The following CEP112 variants were observed in gnomAD, a reference collection of about 807,000 sequenced individuals.
The protein encoded by CEP112 is centrosomal protein 112.
CEP112 carries 127 observed loss-of-function variants against 153.0 expected under a neutral mutation model. That is an observed-to-expected ratio of 0.83 (90% CI 0.72 to 0.96). CEP112 has a LOEUF of 0.96. Ranked by LOEUF, CEP112 falls within the 40% of genes least tolerant of loss-of-function variation. The pLI is 0.00. For synonymous variants in CEP112, 358 were observed against 374.4 expected (o/e 0.96, Z 0.51); for missense variants, 1,089 against 1,101.2 (o/e 0.99, Z 0.16).
At chr17:65,675,352 T>A (rs1447868037) in intron 24 of CEP112, among the ~76,000 whole-genome samples, 1 of 152,174 alleles carries the variant, frequency 6.6e-6, no homozygotes, top group Admixed American at 6.6e-5. Flanking sequence ...ATTACAGGTG[T>A]TCACCACCAT....
chr17:65,656,664 G>A (rs929233656), intron 24 of CEP112, among the ~76,000 whole-genome samples: 3 of 152,194 alleles, frequency 2.0e-5, no homozygotes, highest in Non-Finnish European at 4.4e-5. Context: ...ACAAAGCCCT[G>A]AAACATTTGT....
intron 8 of CEP112, among the ~76,000 whole-genome samples, chr17:66,088,623 AC>A (rs2068027646): frequency 6.6e-6 from 1 of 151,648 alleles, no homozygotes; most frequent in Non-Finnish European, 1.5e-5. Flanking sequence ...CCCAGTCAAC[AC>A]CTCTGGCCCA....
chr17:65,870,685 C>T (rs1449086735), intron 20 of CEP112, among the ~76,000 whole-genome samples: 1 of 152,170 alleles, frequency 6.6e-6, no homozygotes, highest in Non-Finnish European at 1.5e-5. Context: ...ATCCATAACT[C>T]ACTCTGGTGC....
intron 1 of CEP112, among the ~76,000 whole-genome samples, chr17:66,184,214 G>C (rs949123505): frequency 6.6e-6 from 1 of 151,996 alleles, no homozygotes; most frequent in Non-Finnish European, 1.5e-5. Flanking sequence ...GGCCATGATC[G>C]CACCACTAAA....
At chr17:66,025,458 ATAAT>A (rs1175881764) in intron 16 of CEP112, among the ~76,000 whole-genome samples, 1 of 152,040 alleles carries the variant, frequency 6.6e-6, no homozygotes, top group Non-Finnish European at 1.5e-5. Flanking sequence ...AATAATAATA[ATAAT>A]TAATAACCCC....
In CEP112 at chr17:66,130,775, C is replaced by CAAAAA. The variant is rs539232836; in HGVS notation, c.565-957_565-953dup. 8.1e-5 allele frequency among the ~76,000 whole-genome samples: 7 copies of CAAAAA among 85,970 alleles called. 1 individual carries two copies. Among genetic ancestry groups the CAAAAA allele is most frequent in the Non-Finnish European group, 1.1e-4 (5 of 46,942 alleles). 56.4% of individuals were successfully genotyped at this position (85,970 alleles called of 152,430 possible). A position where few individuals can be genotyped will look rare whatever the true frequency, so the allele number is the denominator to read the frequency against. On this transcript the variant is annotated intron_variant, in intron 5 of 26. Transcript: ENST00000535342. Reference sequence around the variant, plus strand: ...TGGGCGACAGAGCGAGACTCCGTCTCAAAAAAAAAAAAAAAAAACACACAC... The same window carrying CAAAAA: ...TGGGCGACAGAGCGAGACTCCGTCTCAAAAAAAAAAAAAAAAAAAAAAACACACAC...
At chr17:65,675,615 C>T (rs1242380189) in intron 24 of CEP112, among the ~76,000 whole-genome samples, 14 of 149,772 alleles carry the variant, frequency 9.3e-5, no homozygotes, top group Non-Finnish European at 1.8e-4. Flanking sequence ...CACCAACATC[C>T]GATGAGAATA....
chr17:65,999,197 C>CT lies in CEP112; in HGVS notation c.1736+6492dup, dbSNP rs34483996. On this transcript the variant is annotated intron_variant, in intron 17 of 26. Transcript: ENST00000535342. ...GAACTCCAATAGAAATTACTAAATT[C>CT]TTTTTTTTTTTTTTTTTGAGACGGA... Among the ~76,000 whole-genome samples the CT allele has an allele frequency of 2.3e-3, 298 of 132,014 alleles. 3 individuals are homozygous for CT. The highest frequency in any genetic ancestry group is 0.012 in the South Asian group (47 of 3,920). The allele number at this position is 132,014 out of a possible 152,430, so 86.6% of individuals were successfully genotyped here.
At chr17:65,927,447 T>C in intron 19 of CEP112, 135 bp downstream of exon 19, 1 of 551,806 alleles carries the variant, frequency 1.8e-6, no homozygotes, top group Non-Finnish European at 3.1e-6. Flanking sequence ...AAACAAACAT[T>C]ATTTTAAATA....
At chr17:66,076,514 G>C (rs1363791687) in intron 8 of CEP112, among the ~76,000 whole-genome samples, 2 of 152,074 alleles carry the variant, frequency 1.3e-5, no homozygotes, top group African/African-American at 4.8e-5. Context: ...CATTGACCTG[G>C]GAACCTCACC....
chr17:65,881,409 T>TGC (rs1230996991), intron 20 of CEP112, among the ~76,000 whole-genome samples: 2 of 151,982 alleles, frequency 1.3e-5, no homozygotes, highest in Non-Finnish European at 2.9e-5. Context: ...CAGGTGTGTG[T>TGC]GTGTGTGTGT....
At chr17:65,960,992 G>C (rs752776329) in intron 18 of CEP112, among the ~76,000 whole-genome samples, 1 of 143,448 alleles carries the variant, frequency 7.0e-6, no homozygotes, top group Non-Finnish European at 1.5e-5. Flanking sequence ...TACAAATTTT[G>C]TATTTTCTTT....
intron 16 of CEP112, among the ~76,000 whole-genome samples, chr17:66,021,257 G>A (rs1322405328): frequency 6.6e-6 from 1 of 152,070 alleles, no homozygotes; most frequent in Non-Finnish European, 1.5e-5. Context: ...AGCAGTGGCG[G>A]CAGCACCAGC....
chr17:65,717,487 ACTTAT>A (rs1222466858), intron 23 of CEP112, among the ~76,000 whole-genome samples: 1 of 152,176 alleles, frequency 6.6e-6, no homozygotes, highest in Admixed American at 6.5e-5. Flanking sequence ...TATCCTTAAT[ACTTAT>A]CTTTTCTTTT....
chr17:65,678,616 A>G (rs2047352554), intron 24 of CEP112, among the ~76,000 whole-genome samples: 1 of 152,198 alleles, frequency 6.6e-6, no homozygotes. Context: ...TGAACCCTCC[A>G]GTCCCAGGTC....
At chr17:65,989,862 T>C (rs746743012) in intron 17 of CEP112, among the ~76,000 whole-genome samples, 1 of 152,128 alleles carries the variant, frequency 6.6e-6, no homozygotes, top group Admixed American at 6.5e-5. Context: ...TGAGACAACA[T>C]AAAGTCTAAA....
chr17:65,845,131 C>T (rs1284003399), intron 21 of CEP112, among the ~76,000 whole-genome samples: 4 of 152,040 alleles, frequency 2.6e-5, no homozygotes, highest in African/African-American at 4.8e-5. Flanking sequence ...ACCAGCCTGA[C>T]CAACATGGAG....
intron 19 of CEP112, among the ~76,000 whole-genome samples, chr17:65,915,523 C>T (rs888947307): frequency 1.3e-5 from 2 of 152,160 alleles, no homozygotes; most frequent in East Asian, 1.9e-4. Flanking sequence ...CAGTAGCTCA[C>T]GCCTGTAATC....
chr17:65,970,077 C>T lies in CEP112; in HGVS notation c.1737-8479G>A, dbSNP rs1463667301. The stretch of plus-strand genomic sequence containing the variant: ...ACATCACATGTGTATTGCAAACATG[C>T]ATGCCACCTGCATATTACATGTATG... On this transcript the variant is annotated intron_variant, in intron 17 of 26. Coordinates refer to ENST00000535342, the MANE Select transcript of CEP112 (RefSeq NM_001199165.4). 2.6e-5 allele frequency among the ~76,000 whole-genome samples: 4 copies of T among 152,224 alleles called. No individual in the cohort carries two copies. The East Asian group carries it at 7.7e-4, about 29-fold the overall frequency.
Sources: allele counts gnomAD v4.1 joint callset (sites outside exome capture counted in the v4.1 genomes callset), GRCh38; gene constraint gnomAD v4.1.1; transcripts MANE v1.5; gene names NCBI Gene and HGNC (gene_info 2026-07-23, HGNC 2026-07-21).